Variants in NCOA2 observed in about 807,000 individuals in gnomAD.
NCOA2 encodes nuclear receptor coactivator 2, also known as class E basic helix-loop-helix protein 75.
NCOA2 carries 21 observed loss-of-function variants against 145.1 expected under a neutral mutation model. The observed-to-expected ratio is 0.14, with a 90% CI of 0.10 to 0.21. NCOA2 has a LOEUF of 0.21. NCOA2 is among the 10% of genes least tolerant of loss of function. The pLI, the probability that NCOA2 is intolerant of heterozygous loss-of-function variation, is 1.00. For synonymous variants in NCOA2, 619 were observed against 637.5 expected, an observed-to-expected ratio of 0.97 and a Z score of 0.44; for missense variants, 1,472 against 1,837.6, an observed-to-expected ratio of 0.80 and a Z score of 3.64.
intron 2 of NCOA2, among the ~76,000 whole-genome samples, chr8:70,286,543 C>T (rs900287813): frequency 3.9e-5 from 6 of 152,134 alleles, no homozygotes; most frequent in African/African-American, 1.4e-4. Context: ...ATTTAAGAAA[C>T]AGCATGAATT....
intron 1 of NCOA2, among the ~76,000 whole-genome samples, chr8:70,394,686 A>G (rs1813499403): frequency 6.6e-6 from 1 of 152,174 alleles, no homozygotes; most frequent in Non-Finnish European, 1.5e-5. Flanking sequence ...TTGTCTTAAT[A>G]TTTTCAGCTA....
chr8:70,395,624 A>G (rs537381839), intron 1 of NCOA2, among the ~76,000 whole-genome samples: 49 of 152,374 alleles, frequency 3.2e-4, no homozygotes, highest in East Asian at 1.5e-3. Context: ...AGATAAGTTA[A>G]TATTAAATAT....
intron 1 of NCOA2, among the ~76,000 whole-genome samples, chr8:70,375,180 G>A (rs543526990): frequency 6.6e-6 from 1 of 152,010 alleles, no homozygotes; most frequent in Non-Finnish European, 1.5e-5. Context: ...TATAATGACC[G>A]TATTTCAGGT....
chr8:70,249,963 C>CAAAAAAAA lies in NCOA2; in HGVS notation c.-19-33207_-19-33200dup, dbSNP rs747018939. On this transcript the variant is annotated intron_variant, in intron 2 of 22. Transcript: ENST00000452400. ...AGGCAACAGAGAGAGAATCTGCCTCCAAAAAAAAAAAAAAAAGAAGAAGAA... is the reference window on the plus strand; with the variant it reads ...AGGCAACAGAGAGAGAATCTGCCTCCAAAAAAAAAAAAAAAAAAAAAAAAGAAGAAGAA... Among the ~76,000 whole-genome samples the CAAAAAAAA allele has an allele frequency of 2.0e-3, 151 of 74,176 alleles. 1 individual carries two copies. The highest frequency in any genetic ancestry group is 2.6e-3 in the Non-Finnish European group (106 of 40,286). The allele number at this position is 74,176 out of a possible 152,430, so 48.7% of individuals were successfully genotyped here.
chr8:70,117,550 T>C (rs1018632816), intron 22 of NCOA2, among the ~76,000 whole-genome samples: 10 of 152,190 alleles, frequency 6.6e-5, no homozygotes, highest in African/African-American at 2.4e-4. Context: ...AAGATCTAAA[T>C]AGAGAAGGGA....
intron 1 of NCOA2, among the ~76,000 whole-genome samples, chr8:70,372,005 A>G (rs996347886): frequency 4.6e-5 from 7 of 152,206 alleles, no homozygotes; most frequent in Non-Finnish European, 8.8e-5. Flanking sequence ...TTTTACCTCT[A>G]AAGTATTAGG....
chr8:70,403,882 G>A (rs1463255933), upstream of NCOA2: 6 of 299,586 alleles, frequency 2.0e-5, no homozygotes, highest in Non-Finnish European at 3.4e-5. Flanking sequence ...CCTCCTCCGC[G>A]TCTCCGCACT....
the NCOA2 span, among the ~76,000 whole-genome samples, chr8:70,441,816 G>GAAAAAGAA: frequency 1.4e-4 from 16 of 116,802 alleles, no homozygotes; most frequent in African/African-American, 5.2e-4. Context: ...AAGAAAGAAA[G>GAAAAAGAA]AAGAAAGAAG....
intron 1 of NCOA2, among the ~76,000 whole-genome samples, chr8:70,366,247 AAAGTG>A (rs1203515337): frequency 6.6e-6 from 1 of 152,158 alleles, no homozygotes; most frequent in African/African-American, 2.4e-5. Flanking sequence ...TAGCATCCCA[AAAGTG>A]AAGTATGTGG....
At chr8:70,348,625 T>C (rs1421499618) in intron 1 of NCOA2, among the ~76,000 whole-genome samples, 1 of 152,152 alleles carries the variant, frequency 6.6e-6, no homozygotes, top group Non-Finnish European at 1.5e-5. Context: ...AGGGAGGTTG[T>C]AGCAGTAGAA....
intron 21 of NCOA2, among the ~76,000 whole-genome samples, chr8:70,122,827 A>G (rs1053723110): frequency 6.6e-6 from 1 of 152,216 alleles, no homozygotes; most frequent in African/African-American, 2.4e-5. Flanking sequence ...ATCTTTCACC[A>G]TTCTCACAAT....
chr8:70,233,316 T>C (rs986207237), intron 2 of NCOA2, among the ~76,000 whole-genome samples: 7 of 152,228 alleles, frequency 4.6e-5, no homozygotes, highest in Non-Finnish European at 5.9e-5. Flanking sequence ...TTCAGTATTA[T>C]TTCTGCAGTG....
At chr8:70,253,722 C>A (rs749741267) in intron 2 of NCOA2, among the ~76,000 whole-genome samples, 3 of 151,998 alleles carry the variant, frequency 2.0e-5, no homozygotes, top group Non-Finnish European at 4.4e-5. Context: ...AATGCTGGAG[C>A]CTTACCTTAC....
chr8:70,170,483 A>ACG (rs1814127680), intron 5 of NCOA2, 104 bp from the exon 6 acceptor site: 8 of 922,876 alleles, frequency 8.7e-6, no homozygotes, highest in Non-Finnish European at 1.2e-5. Flanking sequence ...ATTCACACAC[A>ACG]GATAGAAAAG....
intron 2 of NCOA2, among the ~76,000 whole-genome samples, chr8:70,225,179 G>C (rs958054450): frequency 6.6e-6 from 1 of 152,230 alleles, no homozygotes; most frequent in South Asian, 2.1e-4. Context: ...TATTCTAACA[G>C]GAAAGTAGGG....
At chr8:70,215,055 A>G (rs184277123) in intron 3 of NCOA2, among the ~76,000 whole-genome samples, 31 of 152,262 alleles carry the variant, frequency 2.0e-4, no homozygotes, top group African/African-American at 7.2e-4. Flanking sequence ...TCTATTTTAT[A>G]GTGTTTATAC....
chr8:70,198,159 G>T (rs907722044), intron 4 of NCOA2, among the ~76,000 whole-genome samples: 2 of 152,098 alleles, frequency 1.3e-5, no homozygotes, highest in Non-Finnish European at 2.9e-5. Context: ...ACAGGTAAAA[G>T]GGTATAAAAA....
chr8:70,317,115 C>T lies in NCOA2; in HGVS notation c.-76-20315G>A, dbSNP rs191459637. 7.9e-5 allele frequency among the ~76,000 whole-genome samples: 12 copies of T among 152,274 alleles called. No individual in the cohort carries two copies. In the East Asian group the frequency reaches 1.7e-3, roughly 22 times the overall value. ...AGCTACAGTTTTAAAGGCAATGTAC[C>T]GCGGTTGCAATGAGTGGCTATGATT... On this transcript the variant is annotated intron_variant, in intron 1 of 22. Coordinates refer to ENST00000452400, the MANE Select transcript of NCOA2 (RefSeq NM_006540.4).
intron 1 of NCOA2, among the ~76,000 whole-genome samples, chr8:70,301,223 A>G (rs1250364301): frequency 5.3e-5 from 8 of 152,212 alleles, no homozygotes; most frequent in African/African-American, 1.4e-4. Context: ...GGTATTCCCT[A>G]TATCTTGCAC....
Sources: allele counts gnomAD v4.1 joint callset (sites outside exome capture counted in the v4.1 genomes callset), GRCh38; gene constraint gnomAD v4.1.1; transcripts MANE v1.5; gene names NCBI Gene and HGNC (gene_info 2026-07-23, HGNC 2026-07-21).